Variants in PTPRK observed in about 807,000 individuals in gnomAD.
The protein encoded by PTPRK is protein tyrosine phosphatase receptor type K.
In PTPRK, 75 loss-of-function variants were observed where a neutral mutation model predicts 178.0. The observed-to-expected ratio is 0.42, with a 90% CI of 0.35 to 0.51. The LOEUF (loss-of-function observed/expected upper bound fraction) is 0.51. Among genes scored for constraint, PTPRK ranks in the 20% least tolerant of loss-of-function variants. PTPRK has a pLI of 0.02. For synonymous variants in PTPRK, 637 were observed against 620.6 expected (o/e 1.03, Z -0.39); for missense variants, 1,441 against 1,797.8 (o/e 0.80, Z 3.59).
chr6:128,216,537 A>C (rs1320821786), intron 6 of PTPRK, among the ~76,000 whole-genome samples: 1 of 146,646 alleles, frequency 6.8e-6, no homozygotes, highest in Non-Finnish European at 1.5e-5. Context: ...TCTGTCTCAG[A>C]AAAATAAAAA....
At chr6:128,008,865 T>C (rs1778733940) in intron 14 of PTPRK, among the ~76,000 whole-genome samples, 1 of 151,164 alleles carries the variant, frequency 6.6e-6, no homozygotes, top group South Asian at 2.1e-4. Context: ...CAAGTACCTT[T>C]GCATTTGAGA....
intron 7 of PTPRK, among the ~76,000 whole-genome samples, chr6:128,100,033 T>A (rs909528820): frequency 5.3e-5 from 8 of 151,986 alleles, no homozygotes; most frequent in Non-Finnish European, 8.8e-5. Context: ...TTCCTCTAGA[T>A]GAATAAAACC....
chr6:128,277,268 C>T (rs1040240363), intron 3 of PTPRK, among the ~76,000 whole-genome samples: 2 of 152,048 alleles, frequency 1.3e-5, no homozygotes, highest in African/African-American at 4.8e-5. Flanking sequence ...ATTTGCAGAA[C>T]GGGTCTTTTA....
rs1196844753 is a variant in PTPRK, at chr6:128,397,584, G to C, written c.205C>G (p.Pro69Ala). ...HVSAQEPHYL[P>A]PEMPQGSYMI... is the part of the protein sequence containing the mutation. Reference sequence around the variant, plus strand: ...CTCTCACCTTGGGGCATCTCGGGTGGTAGATAATGAGGCTCTTGAGCACTA... The same window carrying C: ...CTCTCACCTTGGGGCATCTCGGGTGCTAGATAATGAGGCTCTTGAGCACTA... Residue 69 changes from proline to alanine, a missense_variant, in exon 2 of 30, where the codon CCA becomes GCA. Pro to Ala is a conservative substitution (Grantham distance 27). This residue lies in a region of PTPRK where 158 missense variants were observed against 188.0 expected (regional missense o/e 0.84). Transcript: ENST00000368226. The C allele has an allele frequency of 6.2e-7, 1 of 1,613,818 alleles. No homozygotes were observed. Among genetic ancestry groups the C allele is most frequent in the South Asian group, 1.1e-5 (1 of 91,058 alleles).
At chr6:128,051,393 T>C (rs973485494) in intron 13 of PTPRK, among the ~76,000 whole-genome samples, 6 of 152,198 alleles carry the variant, frequency 3.9e-5, no homozygotes, top group African/African-American at 1.4e-4. Context: ...TGCTAAAGTC[T>C]TGCTTCTATT....
intron 13 of PTPRK, among the ~76,000 whole-genome samples, chr6:128,056,890 T>C (rs1158993352): frequency 2.0e-5 from 3 of 152,222 alleles, no homozygotes; most frequent in African/African-American, 7.2e-5. Flanking sequence ...CAAGGTATTA[T>C]ATAAGCTGGT....
At chr6:128,482,432 G>T (rs1363081739) in intron 1 of PTPRK, among the ~76,000 whole-genome samples, 1 of 152,064 alleles carries the variant, frequency 6.6e-6, no homozygotes, top group Admixed American at 6.6e-5. Context: ...ATGAGACATG[G>T]GAGGAAAAGG....
chr6:128,201,650 GGATTTCAA>G (rs1159377877), intron 6 of PTPRK, among the ~76,000 whole-genome samples: 4 of 151,998 alleles, frequency 2.6e-5, no homozygotes, highest in Non-Finnish European at 5.9e-5. Context: ...CTTGAAGCCA[GGATTTCAA>G]GAATAGCCTG....
intron 3 of PTPRK, among the ~76,000 whole-genome samples, chr6:128,274,159 T>C (rs1241258118): frequency 6.6e-6 from 1 of 152,144 alleles, no homozygotes; most frequent in Non-Finnish European, 1.5e-5. Flanking sequence ...ATAGCAAGTC[T>C]AAATAATGAC....
intron 7 of PTPRK, among the ~76,000 whole-genome samples, chr6:128,109,529 A>G (rs949979943): frequency 1.3e-5 from 2 of 152,198 alleles, no homozygotes; most frequent in African/African-American, 4.8e-5. Flanking sequence ...CCATAACGAC[A>G]GAGTCCAGTG....
rs142022989 is a variant in PTPRK at position 128,171,023 on chromosome 6, T to G, written c.1162+13409A>C. ...ATTTCCATGAAAAGCTTCCTTCAGTTTCACTATAAGATAATTCTCCCATAT... is the reference window on the plus strand; with the variant it reads ...ATTTCCATGAAAAGCTTCCTTCAGTGTCACTATAAGATAATTCTCCCATAT... On this transcript the variant is annotated intron_variant, in intron 7 of 29. Transcript: ENST00000368226. Among the ~76,000 whole-genome samples the G allele has an allele frequency of 3.2e-4, 48 of 152,096 alleles. No individual in the cohort carries two copies. In the East Asian group the frequency reaches 8.5e-3, roughly 27 times the overall value.
rs1826452935 is a variant in PTPRK at position 128,306,817 on chromosome 6, G to T, written c.495+15222C>A. Among the ~76,000 whole-genome samples, 3 of 151,926 alleles carry T rather than the reference G, an allele frequency of 2.0e-5. No individual in the cohort carries two copies. In the South Asian group the frequency reaches 6.2e-4, roughly 32 times the overall value. Reference sequence around the variant, plus strand: ...TGTCTCAAAAGAAAAAAAATTAAGAGAATCAAAATTTATACTTTAGAAAAA... The same window carrying T: ...TGTCTCAAAAGAAAAAAAATTAAGATAATCAAAATTTATACTTTAGAAAAA... On this transcript the variant is annotated intron_variant, in intron 3 of 29. Transcript: ENST00000368226.
chr6:128,001,719 G>T (rs1301561656), intron 15 of PTPRK, among the ~76,000 whole-genome samples: 1 of 151,894 alleles, frequency 6.6e-6, no homozygotes, highest in Non-Finnish European at 1.5e-5. Context: ...GGAAAACAAA[G>T]ATGTAAGGTA....
intron 14 of PTPRK, chr6:128,006,151 A>AAAAATAAAAT: frequency 2.5e-6 from 2 of 790,606 alleles, no homozygotes. Flanking sequence ...ATGTGCGTTA[A>AAAAATAAAAT]AAAATAAAAT....
At chr6:128,008,049 A>G (rs1778629479) in intron 14 of PTPRK, 4 of 1,346,010 alleles carry the variant, frequency 3.0e-6, no homozygotes, top group Middle Eastern at 2.1e-4. Flanking sequence ...TGCATACCTA[A>G]TGTTTCTAAT....
intron 1 of PTPRK, among the ~76,000 whole-genome samples, chr6:128,488,396 C>G (rs1274593329): frequency 6.6e-6 from 1 of 152,134 alleles, no homozygotes; most frequent in Admixed American, 6.5e-5. Context: ...CAAAGACACA[C>G]CTAGGAACAA....
intron 5 of PTPRK, among the ~76,000 whole-genome samples, chr6:128,224,690 G>T (rs1810974921): frequency 6.6e-6 from 1 of 152,154 alleles, no homozygotes; most frequent in Non-Finnish European, 1.5e-5. Flanking sequence ...TGGGGTATCG[G>T]TCCATATTCT....
intron 1 of PTPRK, among the ~76,000 whole-genome samples, chr6:128,496,973 G>A (rs1424581265): frequency 1.3e-5 from 2 of 152,126 alleles, no homozygotes; most frequent in South Asian, 2.1e-4. Context: ...AACATTACAG[G>A]TAACAAACAT....
intron 7 of PTPRK, among the ~76,000 whole-genome samples, chr6:128,105,904 C>G (rs1789644059): frequency 6.6e-6 from 1 of 152,162 alleles, no homozygotes; most frequent in South Asian, 2.1e-4. Flanking sequence ...TTTAATTTTA[C>G]CACTCCGATT....
Sources: gnomAD v4.1 joint callset for allele counts (sites outside exome capture counted in the v4.1 genomes callset) on GRCh38, gnomAD v4.1.1 for gene constraint, gnomAD v4.1.1 regional missense constraint, MANE v1.5 for transcripts, NCBI Gene and HGNC (gene_info 2026-07-23, HGNC 2026-07-21) for gene names.